The following NBEA variants were observed in gnomAD, a reference collection of about 807,000 sequenced individuals.
NBEA encodes neurobeachin.
In NBEA, 44 loss-of-function variants were observed where a neutral mutation model predicts 343.4. The ratio of observed to expected loss-of-function variants is 0.13; its 90% CI spans 0.10 to 0.16. The LOEUF is 0.16. NBEA is among the 10% of genes least tolerant of loss of function. The pLI, the probability that NBEA is intolerant of heterozygous loss-of-function variation, is 1.00. For synonymous variants in NBEA, 1,175 were observed against 1,238.7 expected, an observed-to-expected ratio of 0.95 and a Z score of 1.08; for missense variants, 2,555 against 3,631.3, an observed-to-expected ratio of 0.70 and a Z score of 7.62.
At position 35,649,689 on chromosome 13, in the gene NBEA, A is replaced by G. The variant is rs766360868; in HGVS notation, c.7805A>G (p.Asp2602Gly). ...CCACAGAGTCCGCTCATGTTTAAAG[A>G]TCAGATGCAACAGGATGTGATAATG... Reference protein sequence around the residue: ...FLPQSPLMFKDQMQQDVIMVL... With the variant: ...FLPQSPLMFKGQMQQDVIMVL... The change falls in exon 52 of 59, where the codon GAT becomes GGT. Residue 2602 changes from aspartate (D) to glycine (G), a missense_variant. Physicochemically the swap from Asp to Gly is moderately conservative, Grantham distance 94. Around this residue, in one of 21 missense-constraint regions of NBEA, gnomAD observed 61 missense variants for 132.1 expected, o/e 0.46. Coordinates refer to ENST00000379939, the MANE Select transcript of NBEA (RefSeq NM_001385012.1). 6.2e-7 allele frequency: 1 copy of G among 1,613,926 alleles called. No homozygotes were observed. Among genetic ancestry groups the G allele is most frequent in the Non-Finnish European group, 8.5e-7 (1 of 1,179,856 alleles).
Position 34,957,078 on chromosome 13 carries a change from CACAA to C in NBEA, c.294+13968_294+13971del, listed in dbSNP as rs561993173. On this transcript the variant is annotated intron_variant, in intron 1 of 58. Coordinates refer to ENST00000379939, the MANE Select transcript of NBEA (RefSeq NM_001385012.1). ...ACATATATACATACATATGTATAAA[CACAA>C]ACACATACACACACACATATATATA... is the stretch of plus-strand genomic sequence containing the variant. Among the ~76,000 whole-genome samples the C allele has an allele frequency of 5.3e-3, 804 of 152,016 alleles. 6 individuals carry two copies. Among genetic ancestry groups the C allele is most frequent in the Non-Finnish European group, 7.6e-3 (517 of 67,940 alleles).
chr13:35,318,457 G>A (rs562197608), intron 36 of NBEA, among the ~76,000 whole-genome samples: 12 of 152,302 alleles, frequency 7.9e-5, no homozygotes, highest in African/African-American at 2.9e-4. Context: ...AAGCCAACTT[G>A]ATCGTGGTGG....
rs555619002 is a variant in NBEA, at chr13:35,345,331, T to C, written c.5904-3777T>C. On this transcript the variant is annotated intron_variant, in intron 36 of 58. Transcript: ENST00000379939. Reference sequence around the variant, plus strand: ...ACTCACAAGCAATCTGAACAACATATTGCTTTGGCATATATACATATGTGA... The same window carrying C: ...ACTCACAAGCAATCTGAACAACATACTGCTTTGGCATATATACATATGTGA... Among the ~76,000 whole-genome samples the C allele has an allele frequency of 8.5e-5, 13 of 152,224 alleles. No homozygotes were observed. The East Asian group carries it at 1.9e-3, about 23-fold the overall frequency.
intron 38 of NBEA, among the ~76,000 whole-genome samples, chr13:35,397,263 T>C (rs761979278): frequency 1.3e-5 from 2 of 152,200 alleles, no homozygotes; most frequent in Non-Finnish European, 2.9e-5. Flanking sequence ...ATGCCTTCCC[T>C]GCAGGCTGTC....
chr13:35,671,152 T>C lies in NBEA; in HGVS notation c.*161T>C. 1 of 569,504 alleles carries C rather than the reference T, an allele frequency of 1.8e-6. No homozygotes were observed. Among genetic ancestry groups the C allele is most frequent in the South Asian group, 2.5e-5 (1 of 40,296 alleles). The allele number at this position is 569,504 out of a possible 1,614,324, so 35.3% of individuals were successfully genotyped here. On this transcript the variant is annotated 3_prime_UTR_variant, in exon 59 of 59. Coordinates refer to ENST00000379939, the MANE Select transcript of NBEA (RefSeq NM_001385012.1). ...CATTGTAGTCAGCAACCATTTTACT[T>C]TGTGTGTTTTTTCACGACTGAACAC...
At position 35,315,238 on chromosome 13, in the gene NBEA, T is replaced by A. The variant is rs142964497; in HGVS notation, c.5903+5646T>A. Among the ~76,000 whole-genome samples the A allele has an allele frequency of 8.0e-3, 1,226 of 152,308 alleles. 20 individuals are homozygous for A. Among genetic ancestry groups the A allele is most frequent in the African/African-American group, 0.028 (1,171 of 41,580 alleles). On this transcript the variant is annotated intron_variant, in intron 36 of 58. Coordinates refer to ENST00000379939, the MANE Select transcript of NBEA (RefSeq NM_001385012.1). ...TTTATCCTACTTAACAGCTACACTT[T>A]TGAATACAATTCATCAATCATAGCT...
intron 41 of NBEA, among the ~76,000 whole-genome samples, chr13:35,545,480 A>G (rs990860438): frequency 4.6e-5 from 7 of 152,190 alleles, no homozygotes; most frequent in African/African-American, 1.7e-4. Context: ...AGCCACAGTA[A>G]TCACATGTAT....
chr13:34,974,384 G>C (rs1340814082), intron 1 of NBEA, among the ~76,000 whole-genome samples: 1 of 152,096 alleles, frequency 6.6e-6, no homozygotes, highest in Non-Finnish European at 1.5e-5. Context: ...GTTTCACAAT[G>C]GAATGAATAA....
intron 40 of NBEA, among the ~76,000 whole-genome samples, chr13:35,453,930 T>G (rs986611565): frequency 6.6e-6 from 1 of 152,216 alleles, no homozygotes; most frequent in African/African-American, 2.4e-5. Flanking sequence ...AAATAAACTT[T>G]TTAAAATCAA....
intron 41 of NBEA, among the ~76,000 whole-genome samples, chr13:35,541,565 T>C (rs2078824729): frequency 1.3e-5 from 2 of 151,884 alleles, no homozygotes; most frequent in Non-Finnish European, 2.9e-5. Flanking sequence ...TAGTTAAGAG[T>C]TAAGTGCTAT....
intron 38 of NBEA, among the ~76,000 whole-genome samples, chr13:35,352,723 TA>T (rs2040257456): frequency 6.6e-6 from 1 of 152,112 alleles, no homozygotes; most frequent in South Asian, 2.1e-4. Context: ...GAAGCATATA[TA>T]AGCATATACT....
chr13:35,306,379 AG>A (rs1467694425), intron 35 of NBEA, among the ~76,000 whole-genome samples: 1 of 152,012 alleles, frequency 6.6e-6, no homozygotes. Context: ...GACCTTTAAA[AG>A]GAAGATCCTC....
chr13:35,455,324 A>G (rs1290999011), intron 40 of NBEA, among the ~76,000 whole-genome samples: 1 of 151,986 alleles, frequency 6.6e-6, no homozygotes, highest in Non-Finnish European at 1.5e-5. Flanking sequence ...CAGAAAACTT[A>G]GAGAAAGTAC....
chr13:34,993,176 C>T (rs2060823270), intron 1 of NBEA, among the ~76,000 whole-genome samples: 1 of 152,140 alleles, frequency 6.6e-6, no homozygotes, highest in Non-Finnish European at 1.5e-5. Context: ...GCTTTAATTT[C>T]TCCTCTTCAT....
At chr13:35,478,176 G>C (rs1330083882) in intron 41 of NBEA, among the ~76,000 whole-genome samples, 2 of 152,124 alleles carry the variant, frequency 1.3e-5, no homozygotes, top group African/African-American at 4.8e-5. Context: ...TTTTGCACAG[G>C]CACAGCATCA....
intron 11 of NBEA, among the ~76,000 whole-genome samples, chr13:35,103,542 CT>C (rs2065760187): frequency 6.6e-6 from 1 of 151,700 alleles, no homozygotes; most frequent in Middle Eastern, 3.2e-3. Flanking sequence ...GTACCTTACT[CT>C]AATTGAGATT....
At chr13:35,432,924 T>C (rs374659808) in intron 39 of NBEA, among the ~76,000 whole-genome samples, 3 of 152,164 alleles carry the variant, frequency 2.0e-5, no homozygotes, top group South Asian at 2.1e-4. Flanking sequence ...ATAACCTCTT[T>C]ATATGATATT....
chr13:35,242,743 C>A (rs1023135546), intron 34 of NBEA, among the ~76,000 whole-genome samples: 4 of 151,848 alleles, frequency 2.6e-5, no homozygotes, highest in African/African-American at 9.6e-5. Context: ...ATTTAAAGTG[C>A]ATGAAGTAAA....
chr13:35,525,788 T>C (rs1460281152), intron 41 of NBEA, among the ~76,000 whole-genome samples: 1 of 152,072 alleles, frequency 6.6e-6, no homozygotes, highest in Non-Finnish European at 1.5e-5. Flanking sequence ...ACCAGCACTT[T>C]TGGTGTCTGG....
Sources: gnomAD v4.1 joint callset for allele counts (sites outside exome capture counted in the v4.1 genomes callset) on GRCh38, gnomAD v4.1.1 for gene constraint, gnomAD v4.1.1 regional missense constraint, MANE v1.5 for transcripts, NCBI Gene and HGNC (gene_info 2026-07-23, HGNC 2026-07-21) for gene names.